Variants in NRG1 observed in about 807,000 individuals in gnomAD.
The protein encoded by NRG1 is pro-neuregulin-1, membrane-bound isoform.
In NRG1, 18 loss-of-function variants were observed where a neutral mutation model predicts 63.8. That is an observed-to-expected ratio of 0.28 (90% CI 0.19 to 0.42). The LOEUF is 0.42. Ranked by LOEUF, NRG1 falls within the 10% of genes least tolerant of loss-of-function variation. The pLI, the probability that NRG1 is intolerant of heterozygous loss-of-function variation, is 1.00. For synonymous variants in NRG1, 302 were observed against 301.3 expected, an observed-to-expected ratio of 1.00 and a Z score of -0.02; for missense variants, 762 against 814.7, an observed-to-expected ratio of 0.94 and a Z score of 0.79.
At chr8:32,338,258 A>T (rs538932599) in intron 1 of NRG1, among the ~76,000 whole-genome samples, 1 of 152,296 alleles carries the variant, frequency 6.6e-6, no homozygotes, top group African/African-American at 2.4e-5. Flanking sequence ...ACTAAGTTGC[A>T]TTGCAGTTAT....
intron 1 of NRG1, among the ~76,000 whole-genome samples, chr8:32,222,986 G>A (rs1845981598): frequency 1.3e-5 from 2 of 152,120 alleles, no homozygotes; most frequent in Admixed American, 6.5e-5. Context: ...AGAGACAATG[G>A]CATTCTCTCA....
chr8:31,874,622 G>GT (rs1380833836), intron 1 of NRG1, among the ~76,000 whole-genome samples: 1 of 152,104 alleles, frequency 6.6e-6, no homozygotes, highest in Admixed American at 6.5e-5. Flanking sequence ...TACATTTTTA[G>GT]TTTTTTAAAA....
chr8:31,767,206 G>C (rs753940549), intron 1 of NRG1, among the ~76,000 whole-genome samples: 7 of 152,110 alleles, frequency 4.6e-5, no homozygotes, highest in Non-Finnish European at 1.0e-4. Context: ...CTGTGCCTTG[G>C]CTGATTTTAT....
intron 6 of NRG1, among the ~76,000 whole-genome samples, chr8:32,735,966 A>G (rs1467560195): frequency 6.6e-6 from 1 of 152,008 alleles, no homozygotes; most frequent in Non-Finnish European, 1.5e-5. Flanking sequence ...CACTCTATGT[A>G]TCCTCTTATC....
chr8:31,754,734 C>T (rs1449149803), intron 1 of NRG1, among the ~76,000 whole-genome samples: 1 of 152,016 alleles, frequency 6.6e-6, no homozygotes, highest in African/African-American at 2.4e-5. Context: ...TCAGTGGCCC[C>T]TGTAACAAGT....
At chr8:32,733,510 C>T (rs773341277) in intron 6 of NRG1, among the ~76,000 whole-genome samples, 7 of 151,918 alleles carry the variant, frequency 4.6e-5, no homozygotes, top group East Asian at 3.9e-4. Flanking sequence ...TGCCTGAGGT[C>T]GCAATTTTTT....
intron 1 of NRG1, among the ~76,000 whole-genome samples, chr8:32,159,589 G>T (rs1158669763): frequency 6.6e-6 from 1 of 151,314 alleles, no homozygotes; most frequent in African/African-American, 2.4e-5. Flanking sequence ...GTTGGGAATA[G>T]GATTATTTCC....
chr8:32,025,676 A>T (rs1029433138), intron 1 of NRG1, among the ~76,000 whole-genome samples: 6 of 152,068 alleles, frequency 3.9e-5, no homozygotes, highest in African/African-American at 1.4e-4. Flanking sequence ...GTGGAGGCAC[A>T]GTGGCTCACG....
chr8:32,056,858 G>C (rs1010908906), intron 1 of NRG1, among the ~76,000 whole-genome samples: 3 of 152,124 alleles, frequency 2.0e-5, no homozygotes, highest in African/African-American at 7.2e-5. Flanking sequence ...AATGCTAAAA[G>C]CTGGATTCTT....
At chr8:32,378,370 C>T (rs1809890599) in intron 1 of NRG1, among the ~76,000 whole-genome samples, 1 of 152,152 alleles carries the variant, frequency 6.6e-6, no homozygotes, top group African/African-American at 2.4e-5. Flanking sequence ...CGGGGCGCTT[C>T]CATTTACTCA....
In NRG1 at chr8:31,640,524, G is replaced by A; in HGVS notation, c.37+1093G>A. ...CCGGGGGCTTGAAGAAGGACTCGCT[G>A]CTCACCGTGCGCCTGGGGACCTGGG... is the stretch of plus-strand genomic sequence containing the variant. On this transcript the variant is annotated intron_variant, in intron 1 of 10. Transcript: ENST00000519301. This position sits in a 1 kb window ranked among gnomAD's most constrained non-coding sequence, Gnocchi z 6.3. 1.2e-6 allele frequency: 2 copies of A among 1,611,570 alleles called. No individual in the cohort carries two copies. The highest frequency in any genetic ancestry group is 8.5e-7 in the Non-Finnish European group (1 of 1,179,366).
At chr8:31,926,123 A>G (rs555892724) in intron 1 of NRG1, among the ~76,000 whole-genome samples, 13 of 152,310 alleles carry the variant, frequency 8.5e-5, no homozygotes, top group African/African-American at 3.1e-4. Context: ...AGCTTGATGC[A>G]GTTAGAAAGT....
At chr8:32,008,635 T>C (rs1296112838) in intron 1 of NRG1, among the ~76,000 whole-genome samples, 1 of 152,062 alleles carries the variant, frequency 6.6e-6, no homozygotes, top group Non-Finnish European at 1.5e-5. Context: ...TGACTCGTAA[T>C]ACAGAAGTGA....
chr8:31,860,000 AT>A, intron 1 of NRG1, among the ~76,000 whole-genome samples: 1 of 152,358 alleles, frequency 6.6e-6, no homozygotes, highest in Middle Eastern at 3.4e-3. Flanking sequence ...AAAACAAAGT[AT>A]CCAGCTAGGC....
At chr8:32,291,806 T>C (rs1463261327) in intron 1 of NRG1, among the ~76,000 whole-genome samples, 2 of 152,072 alleles carry the variant, frequency 1.3e-5, no homozygotes, top group African/African-American at 4.8e-5. Context: ...CTGCCTCCCA[T>C]AGTGCTGAGA....
At chr8:32,460,763 C>T (rs1822207429) in intron 1 of NRG1, among the ~76,000 whole-genome samples, 1 of 152,158 alleles carries the variant, frequency 6.6e-6, no homozygotes, top group South Asian at 2.1e-4. Flanking sequence ...CTATTTCTCC[C>T]TTCTTCATCC....
At chr8:32,362,556 A>G (rs1429481675) in intron 1 of NRG1, among the ~76,000 whole-genome samples, 2 of 152,182 alleles carry the variant, frequency 1.3e-5, no homozygotes, top group South Asian at 4.1e-4. Flanking sequence ...ATGATGCTGC[A>G]CTATGCCTGT....
At chr8:32,393,861 C>T (rs1256217711) in intron 1 of NRG1, among the ~76,000 whole-genome samples, 3 of 152,136 alleles carry the variant, frequency 2.0e-5, no homozygotes, top group Admixed American at 1.3e-4. Context: ...AACAAACCTG[C>T]ACATGTACCC....
rs1258126520 is a variant in NRG1 at position 32,070,921 on chromosome 8, C to T, written c.37+431490C>T. Among the ~76,000 whole-genome samples the T allele has an allele frequency of 2.0e-5, 3 of 152,210 alleles. No homozygotes were observed. In the East Asian group the frequency reaches 5.8e-4, roughly 29 times the overall value. On this transcript the variant is annotated intron_variant, in intron 1 of 10. Coordinates refer to the NRG1 transcript ENST00000519301. Reference sequence around the variant, plus strand: ...ACATTCCTGCACTAACCTCTACACCCTGCGTCCTCCCACCTCACCTCAGCT... The same window carrying T: ...ACATTCCTGCACTAACCTCTACACCTTGCGTCCTCCCACCTCACCTCAGCT...
Sources: allele counts gnomAD v4.1 joint callset (sites outside exome capture counted in the v4.1 genomes callset), GRCh38; gene constraint gnomAD v4.1.1; non-coding constraint Gnocchi (gnomAD v3.1); transcripts MANE v1.5; gene names NCBI Gene and HGNC (gene_info 2026-07-23, HGNC 2026-07-21).